The following SGCG variants were observed in gnomAD, a reference collection of about 807,000 sequenced individuals.
SGCG encodes the protein gamma-sarcoglycan.
SGCG carries 26 observed loss-of-function variants against 29.3 expected under a neutral mutation model. The observed-to-expected ratio is 0.89, with a 90% confidence interval of 0.65 to 1.23. The LOEUF is 1.23. SGCG is among the 50% of genes most tolerant of loss of function. The pLI is 0.00. For missense variants in SGCG, 353 were observed against 356.0 expected, an observed-to-expected ratio of 0.99 and a Z score of 0.07; for synonymous variants, 145 against 129.7, an observed-to-expected ratio of 1.12 and a Z score of -0.80.
At chr13:23,208,266 C>T (rs1367309973) in intron 2 of SGCG, among the ~76,000 whole-genome samples, 2 of 152,080 alleles carry the variant, frequency 1.3e-5, no homozygotes, top group Non-Finnish European at 2.9e-5. Flanking sequence ...GCATGGCTTT[C>T]TCTGCTCAGA....
chr13:23,297,896 G>A (rs147045982), intron 6 of SGCG, among the ~76,000 whole-genome samples: 13,155 of 151,304 alleles, frequency 0.087, 652 homozygotes, highest in South Asian at 0.13. Context: ...AGGTGCCCAC[G>A]ACCACACCTG....
chr13:23,287,066 C>G (rs551903424), intron 5 of SGCG, among the ~76,000 whole-genome samples: 1 of 152,132 alleles, frequency 6.6e-6, no homozygotes, highest in Non-Finnish European at 1.5e-5. Context: ...TAAGGATGCC[C>G]CCACTGAGCC....
At chr13:23,252,623 G>A (rs528769941) in intron 4 of SGCG, among the ~76,000 whole-genome samples, 195 of 152,146 alleles carry the variant, frequency 1.3e-3, no homozygotes, top group African/African-American at 4.4e-3. Flanking sequence ...CCCGGGAGGC[G>A]GAGCTTGCAG....
intron 6 of SGCG, among the ~76,000 whole-genome samples, chr13:23,311,990 A>G (rs953324284): frequency 1.3e-5 from 2 of 152,160 alleles, no homozygotes; most frequent in Non-Finnish European, 2.9e-5. Flanking sequence ...TTATAGAAGA[A>G]GGTGAGCCTC....
At chr13:23,267,858 A>T (rs1880698825) in intron 4 of SGCG, 1 of 152,226 alleles carries the variant, frequency 6.6e-6, no homozygotes, top group South Asian at 2.1e-4. Flanking sequence ...ACGGGGTGGC[A>T]ACTCAGGATC....
At chr13:23,299,420 A>G (rs1349478548) in intron 6 of SGCG, among the ~76,000 whole-genome samples, 1 of 2,372 alleles carries the variant, frequency 4.2e-4, no homozygotes, top group African/African-American at 9.2e-4. Flanking sequence ...ATATATATAT[A>G]TATATATATA....
At chr13:23,229,279 T>C (rs549483077) in intron 2 of SGCG, among the ~76,000 whole-genome samples, 3 of 152,204 alleles carry the variant, frequency 2.0e-5, no homozygotes, top group African/African-American at 7.2e-5. Context: ...TGTGTCTTTA[T>C]AGTAGAACAA....
intron 6 of SGCG, among the ~76,000 whole-genome samples, chr13:23,301,263 A>G (rs1882148004): frequency 6.6e-6 from 1 of 152,236 alleles, no homozygotes; most frequent in Non-Finnish European, 1.5e-5. Flanking sequence ...AAAAATGAAT[A>G]GAAATGAGGG....
In SGCG at chr13:23,317,559, T is replaced by G. The variant is rs1882867255; in HGVS notation, c.579-3078T>G. ...TCCTTTTTTTTGCTGAAAACATACT[T>G]GTGCATGTATACACTTGTACTAAGA... On this transcript the variant is annotated intron_variant, in intron 6 of 7. Coordinates refer to ENST00000218867, the MANE Select transcript of SGCG (RefSeq NM_000231.3). Among the ~76,000 whole-genome samples the G allele has an allele frequency of 2.0e-5, 3 of 152,224 alleles. No individual in the cohort carries two copies. The South Asian group carries it at 6.2e-4, about 31-fold the overall frequency.
At chr13:23,180,510 T>C (rs1337616789), upstream of SGCG, among the ~76,000 whole-genome samples, 1 of 152,196 alleles carries the variant, frequency 6.6e-6, no homozygotes, top group Admixed American at 6.5e-5. Context: ...CACTGTTACA[T>C]GGTAATATGC....
intron 1 of SGCG, among the ~76,000 whole-genome samples, chr13:23,183,761 G>A (rs376875432): frequency 2.6e-5 from 4 of 152,032 alleles, no homozygotes; most frequent in African/African-American, 7.2e-5. Context: ...CTCACCTCCC[G>A]GGTTCAAGTG....
chr13:23,226,744 G>A (rs760780148), intron 2 of SGCG, among the ~76,000 whole-genome samples: 1 of 152,184 alleles, frequency 6.6e-6, no homozygotes, highest in African/African-American at 2.4e-5. Flanking sequence ...GGTTACCAGG[G>A]GCTGGGGGCA....
chr13:23,179,294 T>G (rs1876655644), upstream of SGCG, among the ~76,000 whole-genome samples: 1 of 152,226 alleles, frequency 6.6e-6, no homozygotes, highest in Non-Finnish European at 1.5e-5. Context: ...TTTATGTGAT[T>G]CTTCTGCCCT....
At chr13:23,313,082 T>C (rs928382015) in intron 6 of SGCG, among the ~76,000 whole-genome samples, 2 of 152,194 alleles carry the variant, frequency 1.3e-5, no homozygotes, top group African/African-American at 2.4e-5. Context: ...TCTCTCATCC[T>C]ATTTGTAAAA....
intron 5 of SGCG, among the ~76,000 whole-genome samples, chr13:23,280,556 C>T (rs370529320): frequency 5.3e-5 from 8 of 152,144 alleles, no homozygotes; most frequent in African/African-American, 1.4e-4. Context: ...ATTTAATTAA[C>T]GGAAATTGGT....
At chr13:23,281,492 G>T (rs1022873237) in intron 5 of SGCG, among the ~76,000 whole-genome samples, 5 of 152,104 alleles carry the variant, frequency 3.3e-5, no homozygotes, top group Admixed American at 2.6e-4. Flanking sequence ...ACAGCTCTGG[G>T]GACCACACTT....
chr13:23,306,422 C>T (rs942747869), intron 6 of SGCG, among the ~76,000 whole-genome samples: 3 of 152,026 alleles, frequency 2.0e-5, no homozygotes. Context: ...TGATTTTGGC[C>T]AACTGTATTT....
chr13:23,239,423 C>T (rs1001925697), intron 3 of SGCG, among the ~76,000 whole-genome samples: 2 of 152,066 alleles, frequency 1.3e-5, no homozygotes, highest in African/African-American at 4.8e-5. Context: ...TTTGGACTTA[C>T]TAAAGCTGAA....
chr13:23,315,954 G>A (rs539801190), intron 6 of SGCG, among the ~76,000 whole-genome samples: 2 of 152,286 alleles, frequency 1.3e-5, no homozygotes, highest in African/African-American at 2.4e-5. Context: ...CCCGTTCTGA[G>A]GACACTACTC....
Sources: allele counts gnomAD v4.1 joint callset (sites outside exome capture counted in the v4.1 genomes callset), GRCh38; gene constraint gnomAD v4.1.1; transcripts MANE v1.5; gene names NCBI Gene and HGNC (gene_info 2026-07-23, HGNC 2026-07-21).